The following RNF17 variants were observed in gnomAD, a reference collection of about 807,000 sequenced individuals.
RNF17 encodes the protein spermatogenesis associated 23.
A neutral mutation model predicts 200.5 loss-of-function variants in RNF17; 31 were observed. The ratio of observed to expected loss-of-function variants is 0.15; its 90% CI spans 0.12 to 0.21. The LOEUF (loss-of-function observed/expected upper bound fraction) is 0.21, where lower values mean the gene tolerates loss of function less well. Among genes scored for constraint, RNF17 ranks in the 10% least tolerant of loss-of-function variants. RNF17 has a pLI of 1.00. For synonymous variants in RNF17, 606 were observed against 637.8 expected (o/e 0.95, Z 0.75); for missense variants, 1,628 against 1,905.1 (o/e 0.85, Z 2.71).
At chr13:24,886,063 CTT>C in the RNF17 span, 1 of 363,484 alleles carries the variant, frequency 2.8e-6, no homozygotes, top group Non-Finnish European at 5.4e-6. Flanking sequence ...ATGGTATAAA[CTT>C]TTTGTAATAT....
intron 15 of RNF17, among the ~76,000 whole-genome samples, chr13:24,815,370 T>C (rs1887250895): frequency 6.6e-6 from 1 of 152,038 alleles, no homozygotes; most frequent in Non-Finnish European, 1.5e-5. Flanking sequence ...ACAACTGATT[T>C]TTACATGTGA....
chr13:24,884,100 T>A (rs757063731), downstream of RNF17: 1 of 1,586,158 alleles, frequency 6.3e-7, no homozygotes, highest in Non-Finnish European at 8.6e-7. Context: ...AAAAAGTTGT[T>A]ACAGTAAATA....
intron 11 of RNF17, among the ~76,000 whole-genome samples, chr13:24,797,380 C>G (rs1237709855): frequency 6.6e-6 from 1 of 152,154 alleles, no homozygotes; most frequent in Non-Finnish European, 1.5e-5. Flanking sequence ...CTCTTGTTCC[C>G]TTTTCCTGCC....
chr13:24,804,967 G>C (rs1350909661), intron 15 of RNF17, among the ~76,000 whole-genome samples: 1 of 152,114 alleles, frequency 6.6e-6, no homozygotes, highest in African/African-American at 2.4e-5. Context: ...CAACAATCCT[G>C]TGAGAAAGAC....
In RNF17 at chr13:24,787,996, A is replaced by G. The variant is rs565492397; in HGVS notation, c.620A>G (p.Asn207Ser). The change falls in exon 7 of 36, where the codon AAC becomes AGC. Residue 207 changes from asparagine to serine, a missense_variant. Asn to Ser is a conservative substitution (Grantham distance 46). Transcript: ENST00000255324. Reference sequence around the variant, plus strand: ...TGGAATCTTAAATGAAGGAAAAAGAACCTGTGTGAAGAATTTGCAAGAACT... The same window carrying G: ...TGGAATCTTAAATGAAGGAAAAAGAGCCTGTGTGAAGAATTTGCAAGAACT... ...LLAFFDSRKK[N>S]LCEEFARTTD... The G allele has an allele frequency of 6.5e-7, 1 of 1,550,374 alleles. No homozygotes were observed. Among genetic ancestry groups the G allele is most frequent in the East Asian group, 2.3e-5 (1 of 43,642 alleles).
In RNF17 at chr13:24,859,155, C is replaced by T. The variant is rs180999676; in HGVS notation, c.3765C>T (p.Gly1255=). ...YRGKVMEVVG[G]AVRVQYLDHG... ...GCAAGGTGATGGAGGTTGTAGGTGG[C>T]GCTGTCAGAGTGAGTCTGATATTCT... Residue 1255 remains glycine (G), a synonymous_variant, in exon 26 of 36, where the codon GGC becomes GGT. Transcript: ENST00000255324. 4.3e-5 allele frequency: 68 copies of T among 1,592,302 alleles called. No homozygotes were observed. Among genetic ancestry groups the T allele is most frequent in the Admixed American group, 2.4e-4 (14 of 58,332 alleles).
Position 24,859,075 on chromosome 13 carries a change from T to G in RNF17, c.3685T>G (p.Trp1229Gly). Residue 1229 changes from tryptophan (W) to glycine (G), a missense_variant, in exon 26 of 36, where the codon TGG (tryptophan) becomes GGG (glycine). By Grantham distance (184) the Trp-to-Gly change is radical. Coordinates refer to ENST00000255324, the MANE Select transcript of RNF17 (RefSeq NM_031277.3). Reference protein sequence around the residue: ...KCLGLLEPYFWKKGEACAVRG... With the variant: ...KCLGLLEPYFGKKGEACAVRG... ...CCTTGGTCTTTTGGAGCCTTATTTC[T>G]GGAAAAAAGGAGAAGCATGTGCAGT... The G allele has an allele frequency of 6.2e-7, 1 of 1,611,552 alleles. No individual in the cohort carries two copies. The highest frequency in any genetic ancestry group is 1.3e-5 in the African/African-American group (1 of 75,014).
intron 32 of RNF17, among the ~76,000 whole-genome samples, chr13:24,872,138 T>C (rs1894352732): frequency 6.6e-6 from 1 of 151,554 alleles, no homozygotes; most frequent in Non-Finnish European, 1.5e-5. Flanking sequence ...TTTTGTATTT[T>C]TAGTAGAGAC....
rs1192388260 is a variant in RNF17, at chr13:24,764,273, C to T, written c.70C>T (p.Pro24Ser). The change falls in exon 1 of 36, where the codon CCC becomes TCC. Residue 24 changes from proline to serine, a missense_variant. Physicochemically the swap from Pro to Ser is moderately conservative, Grantham distance 74 (BLOSUM62 -1). Coordinates refer to ENST00000255324, the MANE Select transcript of RNF17 (RefSeq NM_031277.3). The stretch of plus-strand genomic sequence containing the variant: ...CCAGCGAATGGGGAGGAAGAGTCAG[C>T]CCTGGGGTGCCGCTGAAATCCAGTG... Reference protein sequence around the residue: ...SYQRMGRKSQPWGAAEIQCTR... With the variant: ...SYQRMGRKSQSWGAAEIQCTR... The T allele has an allele frequency of 1.9e-6, 3 of 1,611,342 alleles. No individual in the cohort carries two copies. Among genetic ancestry groups the T allele is most frequent in the Non-Finnish European group, 1.7e-6 (2 of 1,178,096 alleles).
intron 9 of RNF17, 22 bp downstream of exon 9, chr13:24,789,794 A>G: frequency 7.6e-7 from 1 of 1,307,668 alleles, no homozygotes; most frequent in Non-Finnish European, 1.1e-6. Context: ...TAAGCATGGT[A>G]ACATGCCATT....
intron 14 of RNF17, among the ~76,000 whole-genome samples, chr13:24,803,038 GAC>G (rs3039491): frequency 0.98 from 149,569 of 152,232 alleles, 73,517 homozygotes; most frequent in Middle Eastern, 1. Context: ...GACAGAGTGA[GAC>G]ACCCTGTCTG....
chr13:24,844,208 T>C (rs779566521), intron 20 of RNF17, among the ~76,000 whole-genome samples: 1 of 152,170 alleles, frequency 6.6e-6, no homozygotes, highest in African/African-American at 2.4e-5. Flanking sequence ...ACCAGTATTA[T>C]AAGTGTTAGG....
intron 18 of RNF17, among the ~76,000 whole-genome samples, chr13:24,838,648 T>A (rs1796692525): frequency 6.6e-6 from 1 of 152,100 alleles, no homozygotes; most frequent in Non-Finnish European, 1.5e-5. Context: ...CTCCCAGGAA[T>A]TTGGCATACA....
chr13:24,818,638 TTC>T (rs1331854368), intron 15 of RNF17, among the ~76,000 whole-genome samples: 1 of 152,170 alleles, frequency 6.6e-6, no homozygotes, highest in African/African-American at 2.4e-5. Flanking sequence ...ATAATGTCCT[TTC>T]TCTCTTGTAA....
intron 7 of RNF17, 93 bp downstream of exon 7, chr13:24,788,252 TA>T (rs1422094208): frequency 1.2e-6 from 1 of 847,000 alleles, no homozygotes; most frequent in African/African-American, 1.8e-5. Flanking sequence ...TTTTTCAGAT[TA>T]TCCTAACCTA....
intron 2 of RNF17, among the ~76,000 whole-genome samples, chr13:24,772,958 A>G (rs914769624): frequency 6.6e-6 from 1 of 152,156 alleles, no homozygotes; most frequent in Non-Finnish European, 1.5e-5. Context: ...ATAAACATGA[A>G]AAAATGCTCA....
chr13:24,767,251 AATT>A lies in RNF17; in HGVS notation c.131-19_131-17del, dbSNP rs760558190. 1 of 1,497,834 alleles carries A rather than the reference AATT, an allele frequency of 6.7e-7. No homozygotes were observed. Among genetic ancestry groups the A allele is most frequent in the South Asian group, 1.1e-5 (1 of 87,654 alleles). 92.8% of individuals were successfully genotyped at this position (1,497,834 alleles called of 1,614,324 possible). A position where few individuals can be genotyped will look rare whatever the true frequency, so the allele number is the denominator to read the frequency against. ...TAATCATCATCATCATCAAAATAAT[AATT>A]AAGAATTTCATCAATAGGTCACCAT... On this transcript the variant is annotated intron_variant, in intron 1 of 35. Coordinates refer to ENST00000255324, the MANE Select transcript of RNF17 (RefSeq NM_031277.3).
chr13:24,765,675 A>G (rs1490660418), intron 1 of RNF17, among the ~76,000 whole-genome samples: 3 of 152,244 alleles, frequency 2.0e-5, no homozygotes, highest in Admixed American at 2.0e-4. Context: ...TCCATACATT[A>G]GTATTATAAT....
intron 3 of RNF17, among the ~76,000 whole-genome samples, chr13:24,775,644 C>A (rs4770740): frequency 0.63 from 95,429 of 151,986 alleles, 30,345 homozygotes; most frequent in African/African-American, 0.73. Flanking sequence ...AAAAATAATA[C>A]CTTTGGGGTT....
Sources: gnomAD v4.1 joint callset for allele counts (sites outside exome capture counted in the v4.1 genomes callset) on GRCh38, gnomAD v4.1.1 for gene constraint, MANE v1.5 for transcripts, NCBI Gene and HGNC (gene_info 2026-07-23, HGNC 2026-07-21) for gene names.